Variants in KCND2 observed in about 807,000 individuals in gnomAD.
The protein encoded by KCND2 is A-type voltage-gated potassium channel KCND2.
A neutral mutation model predicts 54.4 loss-of-function variants in KCND2; 16 were observed. That is an observed-to-expected ratio of 0.29 (90% CI 0.20 to 0.45). The LOEUF (loss-of-function observed/expected upper bound fraction) is 0.45. KCND2 is among the 20% of genes least tolerant of loss of function. The pLI is 1.00. For missense variants in KCND2, 486 were observed against 824.2 expected (o/e 0.59, Z 5.02); for synonymous variants, 317 against 310.7 (o/e 1.02, Z -0.21).
At chr7:120,583,737 TA>T (rs1478430669) in intron 1 of KCND2, among the ~76,000 whole-genome samples, 1 of 146,616 alleles carries the variant, frequency 6.8e-6, no homozygotes, top group African/African-American at 2.6e-5. Flanking sequence ...TATCTCCAAA[TA>T]ATCACCTTCT....
At chr7:120,595,189 G>A (rs979606875) in intron 1 of KCND2, among the ~76,000 whole-genome samples, 3 of 151,816 alleles carry the variant, frequency 2.0e-5, no homozygotes, top group African/African-American at 7.3e-5. Flanking sequence ...GGTGGCTCAT[G>A]CTTGTAATAC....
At chr7:120,513,939 T>C (rs181577546) in intron 1 of KCND2, among the ~76,000 whole-genome samples, 1 of 152,242 alleles carries the variant, frequency 6.6e-6, no homozygotes, top group East Asian at 1.9e-4. Flanking sequence ...ACACACAGGC[T>C]AACATTTAAT....
intron 1 of KCND2, among the ~76,000 whole-genome samples, chr7:120,630,506 T>C (rs1027280852): frequency 6.6e-6 from 1 of 152,200 alleles, no homozygotes; most frequent in African/African-American, 2.4e-5. Context: ...GAAACTGTTA[T>C]ACCAAAATGT....
At chr7:120,530,100 T>C (rs552937683) in intron 1 of KCND2, among the ~76,000 whole-genome samples, 72 of 152,032 alleles carry the variant, frequency 4.7e-4, no homozygotes, top group African/African-American at 1.6e-3. Context: ...GAGAAATAAT[T>C]AATAAGATGT....
chr7:120,326,421 A>C (rs564174100), intron 1 of KCND2, among the ~76,000 whole-genome samples: 1 of 152,258 alleles, frequency 6.6e-6, no homozygotes, highest in South Asian at 2.1e-4. Context: ...TGATTACAAT[A>C]ATATTCATAA....
chr7:120,724,478 G>A (rs745670851), intron 1 of KCND2, among the ~76,000 whole-genome samples: 37 of 152,194 alleles, frequency 2.4e-4, no homozygotes, highest in Non-Finnish European at 3.2e-4. Flanking sequence ...ATGGAAAGAC[G>A]TAGTACATTC....
chr7:120,313,922 G>T, intron 1 of KCND2, among the ~76,000 whole-genome samples: 1 of 151,284 alleles, frequency 6.6e-6, no homozygotes. Context: ...CCTTTGTAAG[G>T]ACACTTTTAT....
At chr7:120,586,926 A>G (rs924991473) in intron 1 of KCND2, among the ~76,000 whole-genome samples, 2 of 152,158 alleles carry the variant, frequency 1.3e-5, no homozygotes, top group Non-Finnish European at 2.9e-5. Flanking sequence ...CCCCAAAGTA[A>G]CGAATACAGA....
intron 1 of KCND2, among the ~76,000 whole-genome samples, chr7:120,480,941 T>G (rs1198893982): frequency 1.3e-5 from 2 of 152,150 alleles, no homozygotes; most frequent in Non-Finnish European, 2.9e-5. Flanking sequence ...AGGAGTGGGT[T>G]TAAAACAGCC....
At chr7:120,403,482 A>ATT (rs528759246) in intron 1 of KCND2, among the ~76,000 whole-genome samples, 90 of 130,962 alleles carry the variant, frequency 6.9e-4, no homozygotes, top group South Asian at 1.0e-3. Flanking sequence ...GGCCCGGCTA[A>ATT]TTTTTTTTTT....
At chr7:120,604,779 T>A (rs1792860750) in intron 1 of KCND2, among the ~76,000 whole-genome samples, 1 of 152,056 alleles carries the variant, frequency 6.6e-6, no homozygotes, top group African/African-American at 2.4e-5. Flanking sequence ...GAAAAATTTT[T>A]TTATGGTGCA....
At chr7:120,335,423 G>T in intron 1 of KCND2, among the ~76,000 whole-genome samples, 1 of 144,950 alleles carries the variant, frequency 6.9e-6, no homozygotes, top group African/African-American at 2.5e-5. Flanking sequence ...GCCTTGGTTT[G>T]TCCATGGCTT....
chr7:120,677,765 T>C (rs913479092), intron 1 of KCND2, among the ~76,000 whole-genome samples: 4 of 151,978 alleles, frequency 2.6e-5, no homozygotes, highest in African/African-American at 9.7e-5. Flanking sequence ...TCATTTTTGC[T>C]TTCAAAATGC....
At chr7:120,411,646 C>T (rs1801451496) in intron 1 of KCND2, among the ~76,000 whole-genome samples, 1 of 151,800 alleles carries the variant, frequency 6.6e-6, no homozygotes. Context: ...TACCAATATG[C>T]AGAAAGTATA....
At chr7:120,617,636 G>T (rs1793044814) in intron 1 of KCND2, among the ~76,000 whole-genome samples, 1 of 152,100 alleles carries the variant, frequency 6.6e-6, no homozygotes, top group South Asian at 2.1e-4. Flanking sequence ...CAGCAATCCA[G>T]TTACTGGGTG....
intron 1 of KCND2, among the ~76,000 whole-genome samples, chr7:120,368,981 C>T (rs1449193015): frequency 2.0e-5 from 3 of 152,066 alleles, no homozygotes; most frequent in African/African-American, 7.2e-5. Flanking sequence ...ATTTGCCAAA[C>T]TAAGCTGGAG....
chr7:120,622,909 C>T (rs966852967), intron 1 of KCND2, among the ~76,000 whole-genome samples: 4 of 151,988 alleles, frequency 2.6e-5, no homozygotes, highest in Admixed American at 1.3e-4. Flanking sequence ...CAATCCATTT[C>T]GTAGGAGAAT....
intron 1 of KCND2, among the ~76,000 whole-genome samples, chr7:120,669,285 C>T (rs554476387): frequency 6.6e-6 from 1 of 152,044 alleles, no homozygotes; most frequent in East Asian, 1.9e-4. Context: ...TTTCCCATGT[C>T]CTTCTCCAAG....
chr7:120,630,128 C>T (rs1220485527), intron 1 of KCND2, among the ~76,000 whole-genome samples: 2 of 152,128 alleles, frequency 1.3e-5, no homozygotes, highest in African/African-American at 4.8e-5. Context: ...GCAATTCTCT[C>T]ACTAAGGAAT....
Sources: allele counts gnomAD v4.1 joint callset (sites outside exome capture counted in the v4.1 genomes callset), GRCh38; gene constraint gnomAD v4.1.1; transcripts MANE v1.5; gene names NCBI Gene and HGNC (gene_info 2026-07-23, HGNC 2026-07-21).